The following TMEFF2 variants were observed in gnomAD, a reference collection of about 807,000 sequenced individuals.
The protein encoded by TMEFF2 is tomoregulin-2.
In TMEFF2, 28 loss-of-function variants were observed where a neutral mutation model predicts 53.8. The observed-to-expected ratio is 0.52, with a 90% CI of 0.39 to 0.71. The LOEUF (loss-of-function observed/expected upper bound fraction) is 0.71. TMEFF2 is among the 30% of genes least tolerant of loss of function. The probability of loss-of-function intolerance (pLI) is 0.00; values close to 1 mark genes in which losing one functional copy is unlikely to be tolerated. For missense variants in TMEFF2, 353 were observed against 455.2 expected (o/e 0.78, Z 2.04); for synonymous variants, 162 against 166.3 (o/e 0.97, Z 0.20).
intron 4 of TMEFF2, among the ~76,000 whole-genome samples, chr2:192,078,782 G>A (rs895664243): frequency 1.3e-5 from 2 of 152,000 alleles, no homozygotes; most frequent in Non-Finnish European, 2.9e-5. Context: ...GTCTGAAAAA[G>A]GAAAAAACTA....
intron 4 of TMEFF2, among the ~76,000 whole-genome samples, chr2:192,073,993 G>A (rs1031545522): frequency 4.6e-5 from 7 of 151,894 alleles, no homozygotes; most frequent in African/African-American, 1.7e-4. Flanking sequence ...TATCTCTCAA[G>A]GTTTCTTATC....
intron 4 of TMEFF2, among the ~76,000 whole-genome samples, chr2:192,102,623 G>GTTT (rs1397249121): frequency 3.1e-5 from 2 of 65,362 alleles, no homozygotes; most frequent in African/African-American, 1.1e-4. Flanking sequence ...TTCTTTTCTT[G>GTTT]TTCTTTTTTT....
intron 3 of TMEFF2, among the ~76,000 whole-genome samples, chr2:192,182,517 A>G (rs1415609478): frequency 1.3e-5 from 2 of 152,002 alleles, no homozygotes; most frequent in African/African-American, 2.4e-5. Context: ...ATTTATTTTC[A>G]TAGTATAACC....
intron 5 of TMEFF2, chr2:192,032,154 G>C (rs1390238242): frequency 1.3e-5 from 2 of 152,154 alleles, no homozygotes; most frequent in Non-Finnish European, 2.9e-5. Flanking sequence ...TACTTTTCTT[G>C]AAGTCATATA....
intron 5 of TMEFF2, among the ~76,000 whole-genome samples, chr2:192,041,885 T>C (rs866047157): frequency 2.6e-5 from 4 of 152,148 alleles, no homozygotes; most frequent in South Asian, 2.1e-4. Flanking sequence ...TTGGTTTGGG[T>C]GCCCCAAAAC....
chr2:192,150,981 C>G (rs1168955170), intron 4 of TMEFF2, among the ~76,000 whole-genome samples: 3 of 151,638 alleles, frequency 2.0e-5, no homozygotes, highest in African/African-American at 7.3e-5. Flanking sequence ...CCCTATAATC[C>G]CCATGTGTCG....
intron 9 of TMEFF2, among the ~76,000 whole-genome samples, chr2:191,952,248 C>A (rs1043971147): frequency 6.6e-6 from 1 of 152,018 alleles, no homozygotes; most frequent in African/African-American, 2.4e-5. Flanking sequence ...AGGAAAGGAC[C>A]CTGTATATTT....
At chr2:192,111,271 T>G (rs574834059) in intron 4 of TMEFF2, among the ~76,000 whole-genome samples, 1 of 152,176 alleles carries the variant, frequency 6.6e-6, no homozygotes, top group African/African-American at 2.4e-5. Context: ...ACTTGTTGAA[T>G]GGCTTTGATC....
intron 4 of TMEFF2, among the ~76,000 whole-genome samples, chr2:192,135,554 A>G (rs931994097): frequency 1.1e-4 from 16 of 151,956 alleles, no homozygotes; most frequent in Non-Finnish European, 1.5e-4. Context: ...GCTGCCCCTA[A>G]TCCCGCTTGA....
chr2:192,075,107 G>C (rs1340710813), intron 4 of TMEFF2, among the ~76,000 whole-genome samples: 2 of 151,028 alleles, frequency 1.3e-5, no homozygotes, highest in Admixed American at 6.6e-5. Flanking sequence ...TGTGGCTTGA[G>C]GTTCCACAGA....
chr2:192,193,814 T>G (rs1691533477), intron 1 of TMEFF2, among the ~76,000 whole-genome samples: 1 of 141,008 alleles, frequency 7.1e-6, no homozygotes, highest in South Asian at 2.2e-4. Flanking sequence ...AGAGAAATTC[T>G]ATTGAAACCC....
intron 7 of TMEFF2, among the ~76,000 whole-genome samples, chr2:191,964,394 CTTTCTCTTTCTTTCTT>C (rs763845140): frequency 0.068 from 4,213 of 61,996 alleles, 277 homozygotes; most frequent in African/African-American, 0.16. Context: ...TTCTTTCTTT[CTTTCTCTTTCTTTCTT>C]TCTTTCTTTC....
intron 3 of TMEFF2, among the ~76,000 whole-genome samples, chr2:192,181,544 C>G (rs924853414): frequency 2.0e-5 from 3 of 151,684 alleles, no homozygotes; most frequent in African/African-American, 7.2e-5. Context: ...CATATTCCTC[C>G]TCTATTCAAT....
intron 4 of TMEFF2, among the ~76,000 whole-genome samples, chr2:192,099,420 T>C (rs1273624416): frequency 6.6e-6 from 1 of 152,112 alleles, no homozygotes; most frequent in African/African-American, 2.4e-5. Context: ...TGTGGCAGCT[T>C]TTAGATTTAC....
At chr2:192,026,263 C>T (rs568946287) in intron 5 of TMEFF2, among the ~76,000 whole-genome samples, 2 of 152,256 alleles carry the variant, frequency 1.3e-5, no homozygotes, top group Non-Finnish European at 2.9e-5. Flanking sequence ...CCTTAGGGTA[C>T]AGAGTGCTTT....
At chr2:192,057,002 A>G (rs1687926201) in intron 5 of TMEFF2, among the ~76,000 whole-genome samples, 1 of 152,170 alleles carries the variant, frequency 6.6e-6, no homozygotes, top group Non-Finnish European at 1.5e-5. Context: ...TTGTTATAGA[A>G]ACCCAAACAG....
chr2:192,105,323 A>G (rs1430121211), intron 4 of TMEFF2, among the ~76,000 whole-genome samples: 1 of 151,960 alleles, frequency 6.6e-6, no homozygotes, highest in African/African-American at 2.4e-5. Context: ...AAAACCACCT[A>G]CTGAGCATAT....
chr2:192,058,388 C>A (rs1687963255), intron 4 of TMEFF2, among the ~76,000 whole-genome samples: 1 of 152,036 alleles, frequency 6.6e-6, no homozygotes, highest in Non-Finnish European at 1.5e-5. Flanking sequence ...GAGCTAATCA[C>A]AGTGATTCAT....
chr2:192,048,361 AACACACACAC>A lies in TMEFF2; in HGVS notation c.536+9308_536+9317del, dbSNP rs3053696. Among the ~76,000 whole-genome samples the A allele has an allele frequency of 8.4e-5, 12 of 143,264 alleles. 1 individual carries two copies. Among genetic ancestry groups the A allele is most frequent in the African/African-American group, 1.3e-4 (5 of 38,338 alleles). 94.0% of individuals were successfully genotyped at this position (143,264 alleles called of 152,430 possible). A position where few individuals can be genotyped will look rare whatever the true frequency, so the allele number is the denominator to read the frequency against. The stretch of plus-strand genomic sequence containing the variant: ...GTAAAATATTATTAGATTCTCATAA[AACACACACAC>A]ACACACACACACACACACACACACA... On this transcript the variant is annotated intron_variant, in intron 5 of 9. Coordinates refer to ENST00000272771, the MANE Select transcript of TMEFF2 (RefSeq NM_016192.4).
Sources: allele counts gnomAD v4.1 joint callset (sites outside exome capture counted in the v4.1 genomes callset), GRCh38; gene constraint gnomAD v4.1.1; transcripts MANE v1.5; gene names NCBI Gene and HGNC (gene_info 2026-07-23, HGNC 2026-07-21).